The following CEP78 variants were observed in gnomAD, a reference collection of about 807,000 sequenced individuals.
The protein encoded by CEP78 is centrosomal protein of 78 kDa.
A neutral mutation model predicts 81.2 loss-of-function variants in CEP78; 76 were observed. The observed-to-expected ratio is 0.94, with a 90% CI of 0.78 to 1.13. CEP78 has a LOEUF of 1.13. Ranked by LOEUF, CEP78 falls within the 50% of genes most tolerant of loss-of-function variation. The probability of loss-of-function intolerance (pLI) is 0.00; values close to 1 mark genes in which losing one functional copy is unlikely to be tolerated. For synonymous variants in CEP78, 293 were observed against 301.4 expected, an observed-to-expected ratio of 0.97 and a Z score of 0.29; for missense variants, 918 against 846.8, an observed-to-expected ratio of 1.08 and a Z score of -1.04.
chr9:78,243,392 A>G, intron 4 of CEP78, 70 bp from the exon 5 acceptor site: 4 of 1,323,118 alleles, frequency 3.0e-6, no homozygotes, highest in African/African-American at 1.5e-5. Context: ...AATCAGCTGT[A>G]CTTAGTTCCT....
intron 1 of CEP78, among the ~76,000 whole-genome samples, chr9:78,239,696 G>A (rs113326448): frequency 2.0e-5 from 3 of 152,102 alleles, no homozygotes; most frequent in African/African-American, 7.2e-5. Flanking sequence ...TCCAGTGCCC[G>A]GCAGGTGTCA....
chr9:78,238,708 C>T (rs1002310970), intron 1 of CEP78, among the ~76,000 whole-genome samples: 4 of 152,138 alleles, frequency 2.6e-5, no homozygotes, highest in African/African-American at 9.7e-5. Context: ...ACATCTCATT[C>T]AGGTGCAGGA....
intron 12 of CEP78, among the ~76,000 whole-genome samples, chr9:78,263,225 T>C (rs1247768640): frequency 6.6e-6 from 1 of 152,178 alleles, no homozygotes; most frequent in African/African-American, 2.4e-5. Flanking sequence ...TGTTTTTATA[T>C]GACTGGAGCT....
chr9:78,266,794 A>G (rs2118499315), intron 16 of CEP78, 91 bp downstream of exon 16: 1 of 1,522,970 alleles, frequency 6.6e-7, no homozygotes, highest in East Asian at 2.3e-5. Flanking sequence ...AAAAGCAAAG[A>G]AACTAGGGAA....
chr9:78,257,219 G>A (rs1227764053), intron 11 of CEP78, among the ~76,000 whole-genome samples: 2 of 151,822 alleles, frequency 1.3e-5, no homozygotes, highest in African/African-American at 4.8e-5. Flanking sequence ...GAAAAATACC[G>A]GTCACTTAAA....
At chr9:78,254,436 C>T (rs145693947) in intron 10 of CEP78, 4 of 152,388 alleles carry the variant, frequency 2.6e-5, no homozygotes, top group Admixed American at 1.3e-4. Context: ...TAAAAATCGT[C>T]CTGTCTTTAA....
intron 5 of CEP78, among the ~76,000 whole-genome samples, chr9:78,245,898 G>A (rs1460765646): frequency 6.6e-6 from 1 of 151,818 alleles, no homozygotes; most frequent in African/African-American, 2.4e-5. Context: ...TTACATTTTT[G>A]TATTTTCTTT....
At chr9:78,244,581 T>G (rs560729994) in intron 5 of CEP78, among the ~76,000 whole-genome samples, 1 of 152,334 alleles carries the variant, frequency 6.6e-6, no homozygotes, top group South Asian at 2.1e-4. Flanking sequence ...TTTTAAAACC[T>G]TAAACTTTAC....
chr9:78,242,239 T>A (rs1826269815), intron 4 of CEP78, among the ~76,000 whole-genome samples: 1 of 152,168 alleles, frequency 6.6e-6, no homozygotes. Context: ...AACATAGTCA[T>A]GCCCATTTGT....
chr9:78,267,832 A>G (rs536216927), intron 16 of CEP78, among the ~76,000 whole-genome samples: 5 of 152,270 alleles, frequency 3.3e-5, no homozygotes, highest in African/African-American at 1.2e-4. Context: ...AAATATGCAT[A>G]GATAAGTCCT....
rs1827724811 is a variant in CEP78, at chr9:78,272,915, T to C, written c.*2064T>C. The C allele has an allele frequency of 6.6e-6, 1 of 152,234 alleles. No homozygotes were observed. Among genetic ancestry groups the C allele is most frequent in the Admixed American group, 6.5e-5 (1 of 15,276 alleles). 9.4% of individuals were successfully genotyped at this position (152,234 alleles called of 1,614,324 possible). On this transcript the variant is annotated 3_prime_UTR_variant, in exon 17 of 17. Coordinates refer to ENST00000643273, the MANE Select transcript of CEP78 (RefSeq NM_001330691.3). ...CTGTCTAGATGTGACATATGTCACT[T>C]CTGTTCACATTTCTTTGGCCAAAGA...
At chr9:78,237,326 T>C (rs1563973842) in intron 1 of CEP78, among the ~76,000 whole-genome samples, 1 of 152,130 alleles carries the variant, frequency 6.6e-6, no homozygotes, top group East Asian at 1.9e-4. Flanking sequence ...TAAAGTGCTT[T>C]ACAAATACAA....
rs886978854 is a variant in CEP78, at chr9:78,272,219, A to G, written c.*1368A>G. 1.3e-5 allele frequency: 2 copies of G among 152,492 alleles called. No homozygotes were observed. The highest frequency in any genetic ancestry group is 2.9e-5 in the Non-Finnish European group (2 of 68,322). 9.4% of individuals were successfully genotyped at this position (152,492 alleles called of 1,614,324 possible). On this transcript the variant is annotated 3_prime_UTR_variant, in exon 17 of 17. Coordinates refer to ENST00000643273, the MANE Select transcript of CEP78 (RefSeq NM_001330691.3). ...AGGCATGAGCCACTGCATCCGGCCAAGATGGGTTCTTTCTTAGGCTGGTCT... is the reference window on the plus strand; with the variant it reads ...AGGCATGAGCCACTGCATCCGGCCAGGATGGGTTCTTTCTTAGGCTGGTCT...
intron 1 of CEP78, 113 bp downstream of exon 1, chr9:78,236,716 C>A: frequency 7.3e-7 from 1 of 1,368,954 alleles, no homozygotes. Context: ...GCGGCCTGGA[C>A]ACTCACGAGC....
In CEP78 at chr9:78,248,737, A is replaced by G. The variant is rs751934256; in HGVS notation, c.958-25A>G. The G allele has an allele frequency of 6.0e-6, 7 of 1,162,298 alleles. No homozygotes were observed. The Admixed American group carries it at 7.2e-5, about 12-fold the overall frequency. 72.0% of individuals were successfully genotyped at this position (1,162,298 alleles called of 1,614,324 possible). A position where few individuals can be genotyped will look rare whatever the true frequency, so the allele number is the denominator to read the frequency against. On this transcript the variant is annotated intron_variant, in intron 7 of 16. Coordinates refer to ENST00000643273, the MANE Select transcript of CEP78 (RefSeq NM_001330691.3). ...CTCATAAATGATCTGTAACTGAAAT[A>G]TAGTGTTTATTCTGTCTCTTTTAGT...
chr9:78,237,418 T>G (rs1418503717), intron 1 of CEP78, among the ~76,000 whole-genome samples: 1 of 152,228 alleles, frequency 6.6e-6, no homozygotes, highest in African/African-American at 2.4e-5. Flanking sequence ...AACTATGATA[T>G]ATGACAAAAT....
intron 8 of CEP78, chr9:78,249,685 A>G (rs1008911453): frequency 4.6e-5 from 7 of 152,052 alleles, no homozygotes; most frequent in African/African-American, 1.7e-4. Context: ...TTTGTAGAAC[A>G]CATTATCTTT....
At chr9:78,238,538 G>C (rs960636598) in intron 1 of CEP78, among the ~76,000 whole-genome samples, 2 of 151,646 alleles carry the variant, frequency 1.3e-5, no homozygotes, top group African/African-American at 4.9e-5. Flanking sequence ...AAAGAGGGAG[G>C]GTGTGCGATC....
In CEP78 at chr9:78,272,778, A is replaced by G. The variant is rs1045638251; in HGVS notation, c.*1927A>G. The G allele has an allele frequency of 6.6e-6, 1 of 152,252 alleles. No homozygotes were observed. 9.4% of individuals were successfully genotyped at this position (152,252 alleles called of 1,614,324 possible). A position where few individuals can be genotyped will look rare whatever the true frequency, so the allele number is the denominator to read the frequency against. ...GATTGGCTAGAGGCCCCTATTCAACATCAACCTCAATCTGGAAGCGAGGCT... is the reference window on the plus strand; with the variant it reads ...GATTGGCTAGAGGCCCCTATTCAACGTCAACCTCAATCTGGAAGCGAGGCT... On this transcript the variant is annotated 3_prime_UTR_variant, in exon 17 of 17. Transcript: ENST00000643273.
Sources: allele counts gnomAD v4.1 joint callset (sites outside exome capture counted in the v4.1 genomes callset), GRCh38; gene constraint gnomAD v4.1.1; transcripts MANE v1.5; gene names NCBI Gene and HGNC (gene_info 2026-07-23, HGNC 2026-07-21).